The following USP39 variants were observed in gnomAD, a reference collection of about 807,000 sequenced individuals.
USP39 encodes the protein ubiquitin specific peptidase 39.
In USP39, 38 loss-of-function variants were observed where a neutral mutation model predicts 66.4. The observed-to-expected ratio is 0.57, with a 90% CI of 0.44 to 0.75. The LOEUF is 0.75. USP39 is among the 30% of genes least tolerant of loss of function. The pLI is 0.00. For missense variants in USP39, 608 were observed against 714.4 expected, an observed-to-expected ratio of 0.85 and a Z score of 1.70; for synonymous variants, 303 against 274.6, an observed-to-expected ratio of 1.10 and a Z score of -1.02.
chr2:85,643,905 G>A lies in USP39; in HGVS notation c.1428-1043G>A, dbSNP rs548085479. Among the ~76,000 whole-genome samples the A allele has an allele frequency of 1.4e-3, 215 of 152,060 alleles. 1 individual carries two copies. Among genetic ancestry groups the A allele is most frequent in the Non-Finnish European group, 2.0e-3 (133 of 67,986 alleles). ...TGAGCTCAGGCAGTCTGCCCGCCTC[G>A]GCCTCCCAAAGTGTTGGGATTACAG... On this transcript the variant is annotated intron_variant, in intron 10 of 12. Transcript: ENST00000323701.
At chr2:85,645,168 T>C (rs1259284699) in intron 11 of USP39, 85 bp downstream of exon 11, 1 of 1,575,518 alleles carries the variant, frequency 6.3e-7, no homozygotes, top group Non-Finnish European at 8.6e-7. Context: ...CCCTTCAGTG[T>C]GTCCTTGCTT....
At chr2:85,616,123 C>G (rs1225940050), upstream of USP39, 33 of 1,388,864 alleles carry the variant, frequency 2.4e-5, no homozygotes, top group Non-Finnish European at 2.9e-5. Flanking sequence ...ACCAGCCCCT[C>G]TCCTGATTGG....
At position 85,648,893 on chromosome 2, in the gene USP39, GC is replaced by G. The variant is rs1448441206; in HGVS notation, c.*86del. On this transcript the variant is annotated 3_prime_UTR_variant, in exon 13 of 13. Coordinates refer to ENST00000323701, the MANE Select transcript of USP39 (RefSeq NM_006590.4). ...AGAAGCTGTAGCTGAACACAGGCTG[GC>G]TGGTGGGCTTCCTAGGCCAGCCCAG... 8.4e-6 allele frequency: 13 copies of G among 1,554,626 alleles called. No homozygotes were observed. Among genetic ancestry groups the G allele is most frequent in the Non-Finnish European group, 1.1e-5 (13 of 1,132,170 alleles).
At chr2:85,621,203 C>T (rs1316905526) in intron 2 of USP39, 2 of 244,550 alleles carry the variant, frequency 8.2e-6, no homozygotes, top group Non-Finnish European at 1.6e-5. Context: ...AGCTTTCTCT[C>T]TAGAGAAAGT....
intron 9 of USP39, 106 bp downstream of exon 9, chr2:85,639,497 C>G (rs537025972): frequency 1.6e-6 from 2 of 1,249,974 alleles, no homozygotes; most frequent in Non-Finnish European, 2.2e-6. Flanking sequence ...TCTTGTCGCC[C>G]AGGCTGGAGT....
intron 12 of USP39, among the ~76,000 whole-genome samples, chr2:85,648,532 AT>A (rs1482157241): frequency 1.3e-5 from 2 of 152,210 alleles, no homozygotes; most frequent in Non-Finnish European, 2.9e-5. Flanking sequence ...AAGAAGGAAG[AT>A]TGAGACAAAA....
At chr2:85,610,889 G>A (rs1213400443), upstream of USP39, 1 of 151,550 alleles carries the variant, frequency 6.6e-6, no homozygotes, top group Non-Finnish European at 1.5e-5. Context: ...CTCCCGAGTA[G>A]CTGGGACTAC....
chr2:85,630,567 C>G (rs1190002470), intron 5 of USP39, among the ~76,000 whole-genome samples, 154 bp from the exon 6 acceptor site: 1 of 152,134 alleles, frequency 6.6e-6, no homozygotes, highest in East Asian at 1.9e-4. Flanking sequence ...TGATGTGAGC[C>G]TGGGTAGGAT....
chr2:85,636,006 C>G (rs763829491), intron 6 of USP39, 47 bp from the exon 7 acceptor site: 50 of 1,571,114 alleles, frequency 3.2e-5, no homozygotes, highest in East Asian at 2.9e-4. Flanking sequence ...TAAGTTAACT[C>G]TAATGCCACT....
At chr2:85,606,538 G>A (rs557948211) in intron 1 of USP39, 2 of 152,326 alleles carry the variant, frequency 1.3e-5, no homozygotes, top group African/African-American at 2.4e-5. Flanking sequence ...TAGCATCTCC[G>A]ATAGGCCAGC....
At chr2:85,643,394 A>G (rs1207362491) in intron 10 of USP39, among the ~76,000 whole-genome samples, 1 of 151,886 alleles carries the variant, frequency 6.6e-6, no homozygotes, top group East Asian at 2.0e-4. Flanking sequence ...GGAGGCTGAG[A>G]CAGGAGAATG....
chr2:85,609,671 G>C (rs1673378280), upstream of USP39: 19 of 1,522,930 alleles, frequency 1.2e-5, no homozygotes, highest in Non-Finnish European at 1.7e-5. Flanking sequence ...AAAATATACG[G>C]TTAGGAAAGC....
intron 6 of USP39, among the ~76,000 whole-genome samples, chr2:85,635,567 A>G (rs932102508): frequency 6.6e-6 from 1 of 152,062 alleles, no homozygotes; most frequent in Non-Finnish European, 1.5e-5. Context: ...CTCAAAAAAA[A>G]AAGTAGCCAC....
At chr2:85,612,120 C>T (rs941036599), upstream of USP39, 1 of 922,222 alleles carries the variant, frequency 1.1e-6, no homozygotes, top group Admixed American at 3.0e-5. Flanking sequence ...CCCGGCCTGG[C>T]CAAGCGATGC....
chr2:85,630,704 G>T lies in USP39; in HGVS notation c.724-17G>T. 2 of 1,612,190 alleles carry T rather than the reference G, an allele frequency of 1.2e-6. No homozygotes were observed. Among genetic ancestry groups the T allele is most frequent in the Non-Finnish European group, 1.7e-6 (2 of 1,178,274 alleles). On this transcript the variant is annotated splice_polypyrimidine_tract_variant and intron_variant, in intron 5 of 12. Transcript: ENST00000323701. ...CTACAAAGGGGCTTTGGGTTAATCG[G>T]AGTGTTTGATTTTTAGGCTCTATCT...
upstream of USP39, chr2:85,611,817 G>A: frequency 1.2e-6 from 2 of 1,608,336 alleles, no homozygotes; most frequent in Non-Finnish European, 8.5e-7. Flanking sequence ...GTCAGGGACT[G>A]TCGGGCCGGG....
rs991540677 is a variant in USP39 at position 85,649,112 on chromosome 2, G to A, written c.*304G>A. ...TGTGTAACTTATGTCTTGAGTATCT[G>A]GGAGTAGTTGAAGAACAGATAATTC... is the stretch of plus-strand genomic sequence containing the variant. On this transcript the variant is annotated 3_prime_UTR_variant, in exon 13 of 13. Transcript: ENST00000323701. The A allele has an allele frequency of 4.3e-5, 14 of 323,036 alleles. No individual in the cohort carries two copies. Among genetic ancestry groups the A allele is most frequent in the Non-Finnish European group, 7.4e-5 (13 of 176,674 alleles). The allele number at this position is 323,036 out of a possible 1,614,324, so 20.0% of individuals were successfully genotyped here.
chr2:85,639,083 C>T (rs964478388), intron 8 of USP39, 120 bp from the exon 9 acceptor site: 126 of 1,015,318 alleles, frequency 1.2e-4, no homozygotes, highest in Admixed American at 1.7e-4. Context: ...CCCAATCTCT[C>T]GGGCACTTCT....
intron 6 of USP39, among the ~76,000 whole-genome samples, chr2:85,634,133 G>A (rs112178272): frequency 0.074 from 11,131 of 149,650 alleles, 1,377 homozygotes; most frequent in African/African-American, 0.26. Flanking sequence ...CACCACGCCC[G>A]GCCGAGTAGT....
Sources: gnomAD v4.1 joint callset for allele counts (sites outside exome capture counted in the v4.1 genomes callset) on GRCh38, gnomAD v4.1.1 for gene constraint, MANE v1.5 for transcripts, NCBI Gene and HGNC (gene_info 2026-07-23, HGNC 2026-07-21) for gene names.